The following ANKFN1 variants were observed in gnomAD, a reference collection of about 807,000 sequenced individuals.
ANKFN1 encodes the protein ankyrin repeat and fibronectin type III domain containing 1.
ANKFN1 carries 74 observed loss-of-function variants against 108.7 expected under a neutral mutation model. That is an observed-to-expected ratio of 0.68 (90% CI 0.56 to 0.83). The LOEUF (loss-of-function observed/expected upper bound fraction) is 0.83, where lower values mean the gene tolerates loss of function less well. Among genes scored for constraint, ANKFN1 ranks in the 40% least tolerant of loss-of-function variants. The pLI is 0.00. For synonymous variants in ANKFN1, 547 were observed against 516.2 expected (o/e 1.06, Z -0.81); for missense variants, 1,505 against 1,382.3 (o/e 1.09, Z -1.41).
At chr17:56,113,803 T>G (rs562765760) in intron 4 of ANKFN1, among the ~76,000 whole-genome samples, 1 of 152,184 alleles carries the variant, frequency 6.6e-6, no homozygotes, top group East Asian at 1.9e-4. Flanking sequence ...ATAGAGTCTT[T>G]GAGCAGTGAC....
intron 3 of ANKFN1, among the ~76,000 whole-genome samples, chr17:56,241,720 G>C (rs886838086): frequency 6.6e-6 from 1 of 152,058 alleles, no homozygotes; most frequent in Admixed American, 6.6e-5. Context: ...GGTACAGTAA[G>C]AGATTAATAA....
intron 14 of ANKFN1, among the ~76,000 whole-genome samples, chr17:56,460,445 C>T (rs1469338676): frequency 1.3e-5 from 2 of 151,104 alleles, no homozygotes; most frequent in East Asian, 1.9e-4. Flanking sequence ...AGAGTAAGAC[C>T]TTGTCTAAAA....
intron 8 of ANKFN1, among the ~76,000 whole-genome samples, chr17:56,433,598 G>T (rs966550758): frequency 6.6e-6 from 1 of 152,128 alleles, no homozygotes; most frequent in Non-Finnish European, 1.5e-5. Context: ...AACATCGTTT[G>T]TTCTCACTCA....
chr17:56,202,958 A>G (rs1396019507), intron 1 of ANKFN1, among the ~76,000 whole-genome samples: 1 of 152,316 alleles, frequency 6.6e-6, no homozygotes, highest in Non-Finnish European at 1.5e-5. Flanking sequence ...AACCCTTATT[A>G]TTTTGGGGTC....
At chr17:56,264,804 A>T (rs2043607080) in intron 3 of ANKFN1, among the ~76,000 whole-genome samples, 4 of 152,126 alleles carry the variant, frequency 2.6e-5, no homozygotes, top group Admixed American at 2.0e-4. Flanking sequence ...TGACCTCAAA[A>T]TTCCTTTCCA....
intron 1 of ANKFN1, among the ~76,000 whole-genome samples, chr17:56,193,597 A>G (rs1387490571): frequency 1.3e-5 from 2 of 151,970 alleles, no homozygotes; most frequent in African/African-American, 2.4e-5. Context: ...AAAAAAAAGA[A>G]TCTAGACACA....
intron 3 of ANKFN1, among the ~76,000 whole-genome samples, chr17:56,260,170 G>T (rs1238960052): frequency 1.3e-5 from 2 of 152,116 alleles, no homozygotes; most frequent in African/African-American, 2.4e-5. Flanking sequence ...TTCCTGTTTT[G>T]CAGAAAAGAG....
chr17:56,497,069 C>T (rs762592536), intron 19 of ANKFN1, among the ~76,000 whole-genome samples: 4 of 152,184 alleles, frequency 2.6e-5, no homozygotes, highest in South Asian at 2.1e-4. Flanking sequence ...CTGTCCTTGT[C>T]GGGCACTCTA....
At chr17:56,184,317 C>A (rs1911981189) in intron 1 of ANKFN1, among the ~76,000 whole-genome samples, 1 of 152,162 alleles carries the variant, frequency 6.6e-6, no homozygotes, top group African/African-American at 2.4e-5. Context: ...AGAGGCAAGA[C>A]CCTTCACCAG....
chr17:56,493,411 A>G (rs1156229025), intron 19 of ANKFN1, among the ~76,000 whole-genome samples: 2 of 152,184 alleles, frequency 1.3e-5, no homozygotes, highest in African/African-American at 4.8e-5. Context: ...AACAGAATGT[A>G]GAGCATTCAA....
At chr17:56,455,255 A>G (rs1366999518) in intron 11 of ANKFN1, among the ~76,000 whole-genome samples, 3 of 151,506 alleles carry the variant, frequency 2.0e-5, no homozygotes, top group South Asian at 2.1e-4. Context: ...CTTAATTTCT[A>G]CTCTGCTTTT....
intron 1 of ANKFN1, among the ~76,000 whole-genome samples, chr17:56,175,396 C>G (rs1254791028): frequency 6.6e-6 from 1 of 152,184 alleles, no homozygotes; most frequent in Non-Finnish European, 1.5e-5. Context: ...AGTGAAGACA[C>G]TAACACTCAT....
At chr17:56,190,785 G>T (rs370736126) in intron 1 of ANKFN1, among the ~76,000 whole-genome samples, 2 of 143,548 alleles carry the variant, frequency 1.4e-5, no homozygotes, top group Non-Finnish European at 3.0e-5. Context: ...TTTCTGTCTC[G>T]TTGATCTGTC....
At chr17:56,090,209 G>C (rs1274965467) in intron 4 of ANKFN1, among the ~76,000 whole-genome samples, 1 of 151,246 alleles carries the variant, frequency 6.6e-6, no homozygotes, top group Admixed American at 6.6e-5. Context: ...TATAGTGTAT[G>C]AGCCAGAATG....
At chr17:56,297,577 A>G (rs967132947) in intron 3 of ANKFN1, among the ~76,000 whole-genome samples, 1 of 152,230 alleles carries the variant, frequency 6.6e-6, no homozygotes, top group African/African-American at 2.4e-5. Flanking sequence ...GGTCCATTGT[A>G]GAAGTCACTG....
At chr17:56,328,756 C>T (rs1405724447) in intron 4 of ANKFN1, among the ~76,000 whole-genome samples, 2 of 136,106 alleles carry the variant, frequency 1.5e-5, no homozygotes, top group South Asian at 5.0e-4. Context: ...TCTAAACTCA[C>T]TTCTCTGCCT....
At chr17:56,445,655 C>T (rs189007743) in intron 10 of ANKFN1, among the ~76,000 whole-genome samples, 6 of 152,210 alleles carry the variant, frequency 3.9e-5, no homozygotes, top group African/African-American at 1.4e-4. Context: ...TACTAGAGGA[C>T]AATGTATTCT....
chr17:56,071,791 C>T (rs1243829281), intron 4 of ANKFN1, among the ~76,000 whole-genome samples: 2 of 152,216 alleles, frequency 1.3e-5, no homozygotes, highest in African/African-American at 2.4e-5. Context: ...TATCCCAGTG[C>T]TTTGCAATTT....
At chr17:56,416,443 A>G (rs1053064978) in intron 8 of ANKFN1, among the ~76,000 whole-genome samples, 1 of 152,354 alleles carries the variant, frequency 6.6e-6, no homozygotes, top group Admixed American at 6.5e-5. Context: ...AAAAACAGGC[A>G]TATTAAAAGG....
Sources: gnomAD v4.1 joint callset for allele counts (sites outside exome capture counted in the v4.1 genomes callset) on GRCh38, gnomAD v4.1.1 for gene constraint, MANE v1.5 for transcripts, NCBI Gene and HGNC (gene_info 2026-07-23, HGNC 2026-07-21) for gene names.